FAR2: variants seen among roughly 807,000 people sequenced by gnomAD.
The protein encoded by FAR2 is fatty acyl-CoA reductase 2.
In FAR2, 19 loss-of-function variants were observed where a neutral mutation model predicts 56.0. That is an observed-to-expected ratio of 0.34 (90% confidence interval 0.24 to 0.50). FAR2 has a LOEUF of 0.50. Ranked by LOEUF, FAR2 falls within the 20% of genes least tolerant of loss-of-function variation. The pLI, the probability that FAR2 is intolerant of heterozygous loss-of-function variation, is 0.98. For synonymous variants in FAR2, 219 were observed against 218.8 expected (o/e 1.00, Z -0.01); for missense variants, 508 against 642.2 (o/e 0.79, Z 2.26).
At chr12:29,239,452 C>CTGTGTGTGTG (rs34821915) in intron 1 of FAR2, among the ~76,000 whole-genome samples, 4,211 of 147,894 alleles carry the variant, frequency 0.028, 124 homozygotes, top group African/African-American at 0.073. Context: ...AATGAATCAA[C>CTGTGTGTGTG]TGTGTGTGTG....
chr12:29,153,183 A>G (rs1400699180), intron 1 of FAR2, among the ~76,000 whole-genome samples: 1 of 152,244 alleles, frequency 6.6e-6, no homozygotes, highest in Non-Finnish European at 1.5e-5. Context: ...ATAAACATGT[A>G]GGAATACATT....
chr12:29,303,928 G>C (rs1418455342), intron 4 of FAR2, among the ~76,000 whole-genome samples: 1 of 152,162 alleles, frequency 6.6e-6, no homozygotes, highest in Non-Finnish European at 1.5e-5. Flanking sequence ...AGGGTATTCA[G>C]CATCTGGCTC....
chr12:29,253,280 G>GATAGATATCTAT (rs1948253912), intron 1 of FAR2, among the ~76,000 whole-genome samples: 3,069 of 80,560 alleles, frequency 0.038, 541 homozygotes, highest in East Asian at 0.086. Flanking sequence ...TCTATATATC[G>GATAGATATCTAT]ATATCTATAT....
In FAR2 at chr12:29,307,773, A is replaced by C; in HGVS notation, c.661A>C (p.Asn221His). 1 of 1,613,340 alleles carries C rather than the reference A, an allele frequency of 6.2e-7. No individual in the cohort carries two copies. Among genetic ancestry groups the C allele is most frequent in the Non-Finnish European group, 8.5e-7 (1 of 1,179,922 alleles). ...GEMVVQQESRNLNIAIIRPSI... is the reference protein window; with the variant it reads ...GEMVVQQESRHLNIAIIRPSI... ...AATGGTGGTGCAGCAAGAGAGCAGG[A>C]ACCTGAACATTGCCATCATAAGGCC... Residue 221 changes from asparagine to histidine, a missense_variant, in exon 5 of 12, where the codon AAC becomes CAC. By Grantham distance (68) the Asn-to-His change is moderately conservative. Coordinates refer to ENST00000536681, the MANE Select transcript of FAR2 (RefSeq NM_001271783.2).
At chr12:29,291,629 C>T in intron 2 of FAR2, 1 of 340,874 alleles carries the variant, frequency 2.9e-6, no homozygotes, top group Non-Finnish European at 5.8e-6. Flanking sequence ...GGATAGGACC[C>T]AGGAATATAC....
Position 29,167,111 on chromosome 12 carries a change from C to T in FAR2, c.-39+17704C>T, listed in dbSNP as rs183272783. Among the ~76,000 whole-genome samples the T allele has an allele frequency of 7.2e-5, 11 of 152,240 alleles. No individual in the cohort carries two copies. The East Asian group carries it at 1.7e-3, about 24-fold the overall frequency. On this transcript the variant is annotated intron_variant, in intron 1 of 11. Coordinates refer to ENST00000536681, the MANE Select transcript of FAR2 (RefSeq NM_001271783.2). ...CAGTCAGGCGTTGCTGGAGAAAAACCAGGTAAGTATGTGTATGAAATGGAG... is the reference window on the plus strand; with the variant it reads ...CAGTCAGGCGTTGCTGGAGAAAAACTAGGTAAGTATGTGTATGAAATGGAG...
At position 29,274,005 on chromosome 12, in the gene FAR2, T is replaced by C. The variant is rs1295803566; in HGVS notation, c.189+3367T>C. ...TTTGATGAGAGAACCTGGATAACTC[T>C]GTTGCTGGCGAAGGATTCACACGGT... is the stretch of plus-strand genomic sequence containing the variant. On this transcript the variant is annotated intron_variant, in intron 2 of 11. Coordinates refer to ENST00000536681, the MANE Select transcript of FAR2 (RefSeq NM_001271783.2). 2.7e-4 allele frequency among the ~76,000 whole-genome samples: 41 copies of C among 152,166 alleles called. 1 individual carries two copies. Among genetic ancestry groups the C allele is most frequent in the Admixed American group, 2.6e-3 (40 of 15,276 alleles).
rs1428996085 is a variant in FAR2, at chr12:29,308,709, C to CATATATATATATATATATAT, written c.724-476_724-475insTATATATATATATATATATA. Reference sequence around the variant, plus strand: ...ACACAGACACACACACACACACACACACACACACACATATATATATATATG... The same window carrying CATATATATATATATATATAT: ...ACACAGACACACACACACACACACACATATATATATATATATATATACACACACACATATATATATATATG... On this transcript the variant is annotated intron_variant, in intron 5 of 11. Coordinates refer to ENST00000536681, the MANE Select transcript of FAR2 (RefSeq NM_001271783.2). Among the ~76,000 whole-genome samples the CATATATATATATATATATAT allele has an allele frequency of 2.2e-3, 224 of 103,594 alleles. 7 individuals are homozygous for CATATATATATATATATATAT. Among genetic ancestry groups the CATATATATATATATATATAT allele is most frequent in the African/African-American group, 9.0e-3 (207 of 23,044 alleles). The allele number at this position is 103,594 out of a possible 152,430, so 68.0% of individuals were successfully genotyped here.
chr12:29,307,901 T>C (rs760157555), intron 5 of FAR2, 66 bp downstream of exon 5: 8 of 1,478,960 alleles, frequency 5.4e-6, no homozygotes, highest in Non-Finnish European at 7.3e-6. Context: ...CCAATTACTT[T>C]CTGATGTCTT....
At chr12:29,298,483 G>A (rs892224568) in intron 4 of FAR2, among the ~76,000 whole-genome samples, 7 of 152,046 alleles carry the variant, frequency 4.6e-5, no homozygotes, top group African/African-American at 1.7e-4. Flanking sequence ...CTCCAGCTCT[G>A]AGAATAGATA....
chr12:29,320,384 A>C (rs1949531238), intron 9 of FAR2, among the ~76,000 whole-genome samples: 1 of 152,226 alleles, frequency 6.6e-6, no homozygotes, highest in African/African-American at 2.4e-5. Context: ...GAATGACTAA[A>C]GATTTAGATA....
At chr12:29,202,741 C>T (rs912079032) in intron 1 of FAR2, among the ~76,000 whole-genome samples, 1 of 152,206 alleles carries the variant, frequency 6.6e-6, no homozygotes, top group East Asian at 1.9e-4. Context: ...TGCTCCCTCT[C>T]TCTCCATGTG....
intron 1 of FAR2, among the ~76,000 whole-genome samples, chr12:29,149,865 G>T (rs1031915772): frequency 6.6e-6 from 1 of 152,134 alleles, no homozygotes; most frequent in Non-Finnish European, 1.5e-5. Context: ...AAACGGCAGC[G>T]GTCCTAGGTC....
At chr12:29,235,876 G>C (rs1947933783) in intron 1 of FAR2, among the ~76,000 whole-genome samples, 1 of 152,210 alleles carries the variant, frequency 6.6e-6, no homozygotes, top group Non-Finnish European at 1.5e-5. Flanking sequence ...ACTCTAGGTT[G>C]AATTAAAAAA....
At chr12:29,254,717 C>G (rs565216007) in intron 1 of FAR2, among the ~76,000 whole-genome samples, 2 of 152,140 alleles carry the variant, frequency 1.3e-5, no homozygotes, top group South Asian at 4.1e-4. Context: ...TTTGGGAGGC[C>G]GAGGCAGGCA....
chr12:29,204,713 C>G (rs1171587539), intron 1 of FAR2, among the ~76,000 whole-genome samples: 1 of 152,142 alleles, frequency 6.6e-6, no homozygotes, highest in Non-Finnish European at 1.5e-5. Flanking sequence ...CCTTAGGTAA[C>G]AATCATGGCG....
intron 1 of FAR2, among the ~76,000 whole-genome samples, chr12:29,212,752 C>A (rs770464642): frequency 3.2e-4 from 49 of 152,198 alleles, no homozygotes; most frequent in Non-Finnish European, 8.8e-5. Context: ...TTAACTACTT[C>A]TTCTTTCTCC....
intron 10 of FAR2, among the ~76,000 whole-genome samples, chr12:29,331,224 T>G (rs1051310178): frequency 5.3e-5 from 8 of 149,594 alleles, no homozygotes; most frequent in Non-Finnish European, 1.2e-4. Flanking sequence ...TTTTTTTTTT[T>G]AATGTCCAGG....
intron 1 of FAR2, among the ~76,000 whole-genome samples, chr12:29,199,297 T>C (rs1397761784): frequency 6.6e-6 from 1 of 152,026 alleles, no homozygotes; most frequent in African/African-American, 2.4e-5. Context: ...AATGAACATA[T>C]ATGCATTTTG....
Sources: allele counts gnomAD v4.1 joint callset (sites outside exome capture counted in the v4.1 genomes callset), GRCh38; gene constraint gnomAD v4.1.1; transcripts MANE v1.5; gene names NCBI Gene and HGNC (gene_info 2026-07-23, HGNC 2026-07-21).